TMEM135: variants seen among roughly 807,000 people sequenced by gnomAD.
The protein encoded by TMEM135 is peroxisomal membrane protein 52.
A neutral mutation model predicts 60.3 loss-of-function variants in TMEM135; 30 were observed. The ratio of observed to expected loss-of-function variants is 0.50; its 90% confidence interval spans 0.37 to 0.68. TMEM135 has a LOEUF of 0.68. Among genes scored for constraint, TMEM135 ranks in the 30% least tolerant of loss-of-function variants. TMEM135 has a pLI of 0.00. For synonymous variants in TMEM135, 190 were observed against 186.7 expected, an observed-to-expected ratio of 1.02 and a Z score of -0.14; for missense variants, 468 against 548.8, an observed-to-expected ratio of 0.85 and a Z score of 1.47.
chr11:87,286,633 C>CG (rs1365057818), intron 6 of TMEM135, among the ~76,000 whole-genome samples: 1 of 152,158 alleles, frequency 6.6e-6, no homozygotes, highest in Non-Finnish European at 1.5e-5. Context: ...GGGTGGGGCT[C>CG]GGGCATGGTG....
At chr11:87,267,732 GC>G (rs1166288023) in intron 6 of TMEM135, among the ~76,000 whole-genome samples, 31 of 151,500 alleles carry the variant, frequency 2.0e-4, no homozygotes, top group Non-Finnish European at 4.0e-4. Context: ...TCAGTCTGTT[GC>G]CCAGGCTGGA....
chr11:87,295,910 A>G, intron 7 of TMEM135, 87 bp downstream of exon 7: 1 of 1,067,862 alleles, frequency 9.4e-7, no homozygotes, highest in East Asian at 2.5e-5. Context: ...GGTATTGACT[A>G]AGCATTTAAA....
At chr11:87,276,577 T>G (rs150950313) in intron 6 of TMEM135, among the ~76,000 whole-genome samples, 1 of 151,878 alleles carries the variant, frequency 6.6e-6, no homozygotes, top group Admixed American at 6.6e-5. Flanking sequence ...TGTGTGTGTG[T>G]GTATTCACTG....
chr11:87,292,682 GT>G (rs1942287736), intron 6 of TMEM135, among the ~76,000 whole-genome samples: 1 of 151,984 alleles, frequency 6.6e-6, no homozygotes, highest in African/African-American at 2.4e-5. Flanking sequence ...TTACGTTTTT[GT>G]TCTTTGGACA....
In TMEM135 at chr11:87,038,051, G is replaced by C. The variant is rs1229697772; in HGVS notation, c.6G>C (p.Ala2=). 2 of 1,613,926 alleles carry C rather than the reference G, an allele frequency of 1.2e-6. No individual in the cohort carries two copies. The highest frequency in any genetic ancestry group is 1.7e-6 in the Non-Finnish European group (2 of 1,180,020). M[A]ALSKSIPHNC... Reference sequence around the variant, plus strand: ...TCTCCGCGCTGTTCCTCGTCATGGCGGCCCTCAGCAAGTCCATCCCTCATA... The same window carrying C: ...TCTCCGCGCTGTTCCTCGTCATGGCCGCCCTCAGCAAGTCCATCCCTCATA... Residue 2 remains alanine (A), a synonymous_variant, in exon 1 of 15, where the codon GCG becomes GCC. Transcript: ENST00000305494.
chr11:87,269,333 T>C (rs972552945), intron 6 of TMEM135, among the ~76,000 whole-genome samples: 31 of 150,340 alleles, frequency 2.1e-4, no homozygotes, highest in Non-Finnish European at 4.1e-4. Flanking sequence ...AGTGTGGATT[T>C]CTTTTCTTTT....
At chr11:87,119,738 ACATAACAGAT>A (rs1263426170) in intron 4 of TMEM135, among the ~76,000 whole-genome samples, 21 of 152,258 alleles carry the variant, frequency 1.4e-4, no homozygotes, top group African/African-American at 5.1e-4. Flanking sequence ...ATGACTGATC[ACATAACAGAT>A]ATACTAATAA....
intron 4 of TMEM135, among the ~76,000 whole-genome samples, chr11:87,119,932 CTGCATA>C (rs1440702942): frequency 2.6e-5 from 4 of 151,082 alleles, no homozygotes; most frequent in African/African-American, 9.7e-5. Context: ...ATAAGATTGC[CTGCATA>C]TGCATATGCA....
At chr11:87,072,022 A>C (rs2135142654) in intron 3 of TMEM135, among the ~76,000 whole-genome samples, 1 of 152,088 alleles carries the variant, frequency 6.6e-6, no homozygotes, top group South Asian at 2.1e-4. Flanking sequence ...CCCTGTCTCT[A>C]CGAAAAAAAA....
intron 1 of TMEM135, among the ~76,000 whole-genome samples, chr11:87,042,390 C>G (rs1032894842): frequency 6.6e-6 from 1 of 152,100 alleles, no homozygotes; most frequent in Non-Finnish European, 1.5e-5. Flanking sequence ...TTCTTTATGG[C>G]CAGTTTTTAC....
Position 87,279,692 on chromosome 11 carries a change from T to C in TMEM135, c.510-16090T>C, listed in dbSNP as rs115246862. On this transcript the variant is annotated intron_variant, in intron 6 of 14. Coordinates refer to ENST00000305494, the MANE Select transcript of TMEM135 (RefSeq NM_022918.4). ...CTTCATAGATCTGTGGACATAGTGGTAATTACAAAAAAGTATATTGCTTAC... is the reference window on the plus strand; with the variant it reads ...CTTCATAGATCTGTGGACATAGTGGCAATTACAAAAAAGTATATTGCTTAC... 3.5e-3 allele frequency among the ~76,000 whole-genome samples: 535 copies of C among 152,344 alleles called. 4 individuals are homozygous for C. The highest frequency in any genetic ancestry group is 0.012 in the African/African-American group (513 of 41,582).
At chr11:87,283,832 T>G (rs1942113543) in intron 6 of TMEM135, among the ~76,000 whole-genome samples, 1 of 152,222 alleles carries the variant, frequency 6.6e-6, no homozygotes, top group African/African-American at 2.4e-5. Context: ...CACTCCAGCC[T>G]GGGTGACAGA....
chr11:87,231,932 T>A (rs559506268), intron 5 of TMEM135, among the ~76,000 whole-genome samples: 2 of 150,818 alleles, frequency 1.3e-5, no homozygotes, highest in East Asian at 3.9e-4. Flanking sequence ...CCATCTAAAA[T>A]GAAACATAGA....
intron 5 of TMEM135, among the ~76,000 whole-genome samples, chr11:87,186,892 G>A (rs994332701): frequency 2.6e-5 from 4 of 152,098 alleles, no homozygotes; most frequent in African/African-American, 9.7e-5. Flanking sequence ...CAAGAGAGGG[G>A]AAATATTAAG....
intron 7 of TMEM135, among the ~76,000 whole-genome samples, chr11:87,299,366 T>C (rs932675024): frequency 6.6e-6 from 1 of 152,164 alleles, no homozygotes; most frequent in Admixed American, 6.5e-5. Context: ...AGTGCCACAC[T>C]TTAAAACCAT....
At chr11:87,314,017 G>A (rs12363349) in intron 11 of TMEM135, among the ~76,000 whole-genome samples, 41,670 of 151,370 alleles carry the variant, frequency 0.28, 6,670 homozygotes, top group Middle Eastern at 0.39. Flanking sequence ...TCCTCCCCTG[G>A]CCTTGGTTTT....
At chr11:87,289,998 T>A (rs1942237659) in intron 6 of TMEM135, among the ~76,000 whole-genome samples, 2 of 111,214 alleles carry the variant, frequency 1.8e-5, no homozygotes, top group African/African-American at 6.3e-5. Context: ...TCCATGGATA[T>A]ATTCTGGATA....
intron 3 of TMEM135, among the ~76,000 whole-genome samples, chr11:87,085,851 G>A (rs1857084999): frequency 6.6e-6 from 1 of 152,162 alleles, no homozygotes. Flanking sequence ...GGAGTCAGAT[G>A]AACTGACTCT....
At chr11:87,263,857 A>G (rs1941699098) in intron 6 of TMEM135, among the ~76,000 whole-genome samples, 2 of 152,066 alleles carry the variant, frequency 1.3e-5, no homozygotes, top group South Asian at 4.1e-4. Context: ...TTATTTTAAA[A>G]CAATTGAATA....
Sources: gnomAD v4.1 joint callset for allele counts (sites outside exome capture counted in the v4.1 genomes callset) on GRCh38, gnomAD v4.1.1 for gene constraint, MANE v1.5 for transcripts, NCBI Gene and HGNC (gene_info 2026-07-23, HGNC 2026-07-21) for gene names.